GNG2: variants seen among roughly 807,000 people sequenced by gnomAD.
GNG2 encodes the protein G protein subunit gamma 2.
A neutral mutation model predicts 5.5 loss-of-function variants in GNG2; 5 were observed. The observed-to-expected ratio is 0.91, with a 90% CI of 0.48 to 1.92. The LOEUF (loss-of-function observed/expected upper bound fraction) is 1.92. GNG2 is among the 30% of genes most tolerant of loss of function. The pLI is 0.01. For missense variants in GNG2, 55 were observed against 88.4 expected (o/e 0.62, Z 1.52); for synonymous variants, 28 against 32.0 (o/e 0.88, Z 0.42).
intron 2 of GNG2, among the ~76,000 whole-genome samples, chr14:51,836,054 A>G (rs543924174): frequency 6.6e-6 from 1 of 151,594 alleles, no homozygotes; most frequent in African/African-American, 2.4e-5. Context: ...GTATCATGGC[A>G]CTGGCAGATC....
chr14:51,884,318 C>T (rs986944539), intron 2 of GNG2, among the ~76,000 whole-genome samples: 8 of 152,160 alleles, frequency 5.3e-5, no homozygotes, highest in African/African-American at 1.9e-4. Context: ...TAGTTTTAGC[C>T]TCTGTTAACA....
chr14:51,852,188 C>T (rs1163099934), intron 2 of GNG2, among the ~76,000 whole-genome samples: 4 of 152,080 alleles, frequency 2.6e-5, no homozygotes, highest in Non-Finnish European at 5.9e-5. Flanking sequence ...AAATCATAAA[C>T]AATAATGTAT....
intron 2 of GNG2, among the ~76,000 whole-genome samples, chr14:51,942,664 T>C (rs1888413128): frequency 7.0e-6 from 1 of 142,538 alleles, no homozygotes; most frequent in Non-Finnish European, 1.5e-5. Context: ...ACTCAAACAA[T>C]CCTCCCTTCT....
intron 1 of GNG2, among the ~76,000 whole-genome samples, chr14:51,863,330 G>A (rs1882652847): frequency 6.6e-6 from 1 of 152,320 alleles, no homozygotes; most frequent in Admixed American, 6.5e-5. Flanking sequence ...TCATTGTAAA[G>A]AAGGGCTAGT....
intron 2 of GNG2, chr14:51,940,175 A>AGGAGTGGGGAC (rs1397563780): frequency 2.6e-5 from 4 of 152,324 alleles, no homozygotes; most frequent in East Asian, 3.9e-4. Flanking sequence ...TAAAAAGAAG[A>AGGAGTGGGGAC]GGAGTGGGGA....
At chr14:51,839,654 T>G (rs1230164511) in intron 2 of GNG2, among the ~76,000 whole-genome samples, 1 of 152,112 alleles carries the variant, frequency 6.6e-6, no homozygotes, top group Admixed American at 6.6e-5. Flanking sequence ...TGAGAGAATT[T>G]TAGGGGTGAT....
chr14:51,832,860 T>C (rs1881235210), intron 2 of GNG2, among the ~76,000 whole-genome samples: 1 of 152,344 alleles, frequency 6.6e-6, no homozygotes, highest in African/African-American at 2.4e-5. Context: ...TAAGGGGTTT[T>C]AGACACAGAG....
intron 1 of GNG2, among the ~76,000 whole-genome samples, chr14:51,864,491 A>C (rs1465094735): frequency 6.6e-6 from 1 of 152,226 alleles, no homozygotes; most frequent in Non-Finnish European, 1.5e-5. Flanking sequence ...CCTTTATACA[A>C]CAGTATTATC....
intron 3 of GNG2, among the ~76,000 whole-genome samples, chr14:51,963,862 G>T (rs1034130122): frequency 6.6e-6 from 1 of 152,104 alleles, no homozygotes; most frequent in Non-Finnish European, 1.5e-5. Flanking sequence ...ACAAAATAAG[G>T]ATAAAATAAA....
chr14:51,851,235 G>A (rs560220310), intron 2 of GNG2, among the ~76,000 whole-genome samples: 1 of 152,316 alleles, frequency 6.6e-6, no homozygotes, highest in Non-Finnish European at 1.5e-5. Flanking sequence ...TTCCCTTGGA[G>A]CGGGGAGATA....
chr14:51,852,626 T>C (rs1953864), intron 2 of GNG2, among the ~76,000 whole-genome samples: 29,264 of 152,264 alleles, frequency 0.19, 3,063 homozygotes, highest in Middle Eastern at 0.3. Flanking sequence ...ATCTTAATTA[T>C]AGATTATTTT....
intron 2 of GNG2, among the ~76,000 whole-genome samples, chr14:51,900,401 G>A (rs1385918854): frequency 6.6e-6 from 1 of 151,886 alleles, no homozygotes; most frequent in Non-Finnish European, 1.5e-5. Context: ...AGGAATACAC[G>A]AGACTGAATT....
At chr14:51,941,554 G>A (rs1888319487) in intron 2 of GNG2, among the ~76,000 whole-genome samples, 1 of 152,124 alleles carries the variant, frequency 6.6e-6, no homozygotes, top group Non-Finnish European at 1.5e-5. Context: ...AAGTCTGTCT[G>A]GATGCCACCC....
chr14:51,847,875 C>CTTTT, intron 2 of GNG2, among the ~76,000 whole-genome samples: 1 of 66,148 alleles, frequency 1.5e-5, no homozygotes, highest in African/African-American at 4.4e-5. Context: ...AATACAGGTC[C>CTTTT]TTTTTCTTTT....
At chr14:51,919,005 A>G (rs940109704) in intron 2 of GNG2, among the ~76,000 whole-genome samples, 2 of 152,116 alleles carry the variant, frequency 1.3e-5, no homozygotes, top group South Asian at 4.1e-4. Flanking sequence ...TTGTATTTTT[A>G]GTAGAGATGG....
intron 2 of GNG2, among the ~76,000 whole-genome samples, chr14:51,853,538 C>G (rs1415945078): frequency 6.6e-6 from 1 of 152,228 alleles, no homozygotes; most frequent in Non-Finnish European, 1.5e-5. Context: ...AAAATGCCTT[C>G]AAACAGCTCC....
intron 2 of GNG2, among the ~76,000 whole-genome samples, chr14:51,924,227 G>A (rs993114168): frequency 1.2e-4 from 19 of 152,114 alleles, no homozygotes; most frequent in African/African-American, 4.6e-4. Context: ...TCTGAAAATA[G>A]GAATGATAAC....
rs1889954367 is a variant in GNG2, at chr14:51,966,961, A to AAACCCC, written c.*274_*275insAACCCC. The stretch of plus-strand genomic sequence containing the variant: ...TGTCACTTCTTTTCTGCTATCCCCC[A>AAACCCC]GCCCCCCCCCCAAAATCCTCATGTT... On this transcript the variant is annotated 3_prime_UTR_variant, in exon 4 of 4. Coordinates refer to ENST00000556766, the MANE Select transcript of GNG2 (RefSeq NM_053064.5). 1.4e-5 allele frequency: 1 copy of AAACCCC among 70,422 alleles called. No individual in the cohort carries two copies. Among genetic ancestry groups the AAACCCC allele is most frequent in the Non-Finnish European group, 2.5e-5 (1 of 39,936 alleles). The allele number at this position is 70,422 out of a possible 1,614,324, so 4.4% of individuals were successfully genotyped here.
chr14:51,890,998 C>A (rs1884814912), intron 2 of GNG2, among the ~76,000 whole-genome samples: 2 of 152,170 alleles, frequency 1.3e-5, no homozygotes, highest in African/African-American at 4.8e-5. Context: ...AGTGACAAGA[C>A]AATGGAAAAT....
Sources: gnomAD v4.1 joint callset for allele counts (sites outside exome capture counted in the v4.1 genomes callset) on GRCh38, gnomAD v4.1.1 for gene constraint, MANE v1.5 for transcripts, NCBI Gene and HGNC (gene_info 2026-07-23, HGNC 2026-07-21) for gene names.